MYH15: variants seen among roughly 807,000 people sequenced by gnomAD.
MYH15 encodes myosin-15.
Under a neutral mutation model 240.5 loss-of-function variants are expected in MYH15, and 227 were observed. That is an observed-to-expected ratio of 0.94 (90% CI 0.85 to 1.05). The LOEUF (loss-of-function observed/expected upper bound fraction) is 1.05, where lower values mean the gene tolerates loss of function less well. MYH15 is among the 50% of genes least tolerant of loss of function. MYH15 has a pLI of 0.00. For missense variants in MYH15, 2,217 were observed against 2,247.5 expected (o/e 0.99, Z 0.27); for synonymous variants, 785 against 796.7 (o/e 0.99, Z 0.25).
intron 13 of MYH15, 150 bp downstream of exon 13, chr3:108,470,548 T>A: frequency 1.5e-6 from 1 of 652,618 alleles, no homozygotes; most frequent in South Asian, 2.6e-5. Flanking sequence ...TTATTATTGA[T>A]ATTAATTATA....
chr3:108,504,065 T>C (rs566706751), intron 2 of MYH15, among the ~76,000 whole-genome samples: 2 of 152,224 alleles, frequency 1.3e-5, no homozygotes, highest in Admixed American at 1.3e-4. Flanking sequence ...ACCAATTATA[T>C]GCTCCTATTT....
upstream of MYH15, among the ~76,000 whole-genome samples, chr3:108,532,366 G>A (rs1290150636): frequency 6.6e-6 from 1 of 152,020 alleles, no homozygotes; most frequent in Non-Finnish European, 1.5e-5. Context: ...AGAATAAGAA[G>A]GAACTCCTCC....
At chr3:108,546,361 A>G in the MYH15 span, among the ~76,000 whole-genome samples, 5 of 152,208 alleles carry the variant, frequency 3.3e-5, no homozygotes, top group African/African-American at 1.2e-4. Flanking sequence ...CTTTGAGATA[A>G]GTGAGATGAA....
In MYH15 at chr3:108,428,591, A is replaced by C. The variant is rs2082745878; in HGVS notation, c.3603T>G (p.Asn1201Lys). The C allele has an allele frequency of 1.2e-6, 2 of 1,612,276 alleles. No individual in the cohort carries two copies. The highest frequency in any genetic ancestry group is 2.7e-5 in the African/African-American group (2 of 74,272). ...CCAGTTTCTGCTTGACCTGCTGTAG[A>C]TTTTCTACCTGGCCCTCGAGCTCAG... ...SLAELEGQVE[N>K]LQQVKQKLEK... The change falls in exon 27 of 41, where the codon AAT becomes AAG. Residue 1201 changes from asparagine to lysine, a missense_variant. Physicochemically the swap from Asn to Lys is moderately conservative, Grantham distance 94. Transcript: ENST00000693548.
At chr3:108,409,573 A>G (rs531317635) in intron 31 of MYH15, among the ~76,000 whole-genome samples, 278 of 152,300 alleles carry the variant, frequency 1.8e-3, no homozygotes, top group African/African-American at 6.4e-3. Flanking sequence ...TAGTGCCTTG[A>G]TCATAGACTA....
chr3:108,527,957 C>T (rs1450104843), intron 1 of MYH15, among the ~76,000 whole-genome samples: 1 of 152,152 alleles, frequency 6.6e-6, no homozygotes, highest in Non-Finnish European at 1.5e-5. Flanking sequence ...GAGTCTGTAT[C>T]TGGTGAGGGA....
At position 108,485,086 on chromosome 3, in the gene MYH15, CT is replaced by C. The variant is rs2083294374; in HGVS notation, c.1114+4del. 3.1e-6 allele frequency: 5 copies of C among 1,613,650 alleles called. No individual in the cohort carries two copies. Among genetic ancestry groups the C allele is most frequent in the Non-Finnish European group, 4.2e-6 (5 of 1,179,766 alleles). On this transcript the variant is annotated splice_donor_region_variant and intron_variant, in intron 11 of 40. Transcript: ENST00000693548. ...TATATACCATATCTTCAAAGTAATT[CT>C]TACTTTCTGTGCCATCTGCTTCCAG...
intron 7 of MYH15, 60 bp from the exon 8 acceptor site, chr3:108,493,237 A>G: frequency 7.2e-7 from 1 of 1,390,854 alleles, no homozygotes; most frequent in South Asian, 1.2e-5. Flanking sequence ...ACATTTTCCA[A>G]GCACTTGCAA....
intron 35 of MYH15, among the ~76,000 whole-genome samples, chr3:108,394,927 C>T (rs999704375): frequency 2.0e-5 from 3 of 152,212 alleles, no homozygotes; most frequent in Non-Finnish European, 4.4e-5. Context: ...TCACTTGCCT[C>T]TGGCTAGTGC....
intron 2 of MYH15, among the ~76,000 whole-genome samples, chr3:108,502,952 A>G (rs185820829): frequency 6.6e-6 from 1 of 151,706 alleles, no homozygotes; most frequent in Non-Finnish European, 1.5e-5. Context: ...CCCTAATTCT[A>G]TTTTTCTATT....
intron 1 of MYH15, among the ~76,000 whole-genome samples, chr3:108,519,705 T>G (rs571889424): frequency 6.6e-6 from 1 of 152,340 alleles, no homozygotes; most frequent in East Asian, 1.9e-4. Context: ...TGGAACATTG[T>G]CATGATAATA....
At chr3:108,433,922 G>T (rs2082803092) in intron 25 of MYH15, among the ~76,000 whole-genome samples, 1 of 152,096 alleles carries the variant, frequency 6.6e-6, no homozygotes, top group Non-Finnish European at 1.5e-5. Context: ...TCCATTTAGT[G>T]TAAATCCTTC....
intron 1 of MYH15, among the ~76,000 whole-genome samples, chr3:108,528,093 T>C (rs1426091583): frequency 6.6e-6 from 1 of 152,168 alleles, no homozygotes; most frequent in Non-Finnish European, 1.5e-5. Context: ...CCTCATGACC[T>C]AATCGCCTCT....
At chr3:108,399,305 C>T (rs936929631) in intron 33 of MYH15, 38 bp from the exon 34 acceptor site, 2 of 1,505,412 alleles carry the variant, frequency 1.3e-6, no homozygotes, top group African/African-American at 1.4e-5. Flanking sequence ...GGAAATGACA[C>T]ATCCAAATTA....
chr3:108,522,368 C>T (rs1480604469), intron 1 of MYH15, among the ~76,000 whole-genome samples: 2 of 151,892 alleles, frequency 1.3e-5, no homozygotes, highest in African/African-American at 4.8e-5. Context: ...TTATTATAAC[C>T]CCAGAAATGT....
At chr3:108,453,395 G>A (rs915247812) in intron 21 of MYH15, among the ~76,000 whole-genome samples, 1 of 152,166 alleles carries the variant, frequency 6.6e-6, no homozygotes, top group Middle Eastern at 3.2e-3. Context: ...ATATGCTAAC[G>A]AAAAAGTAAA....
intron 28 of MYH15, among the ~76,000 whole-genome samples, chr3:108,420,481 T>C (rs939896790): frequency 6.6e-6 from 1 of 152,168 alleles, no homozygotes; most frequent in Admixed American, 6.5e-5. Flanking sequence ...CCCCAAGTCT[T>C]TCCAGAATTA....
At chr3:108,455,926 GA>G in intron 19 of MYH15, 67 bp from the exon 20 acceptor site, 1 of 1,463,968 alleles carries the variant, frequency 6.8e-7, no homozygotes, top group Non-Finnish European at 9.5e-7. Context: ...GACTAATCTA[GA>G]CAAATGAGGT....
At chr3:108,424,774 T>C (rs1396578150) in intron 27 of MYH15, among the ~76,000 whole-genome samples, 1 of 152,228 alleles carries the variant, frequency 6.6e-6, no homozygotes, top group Non-Finnish European at 1.5e-5. Flanking sequence ...GCCTAATGTA[T>C]ATGCCTATGA....
Sources: allele counts gnomAD v4.1 joint callset (sites outside exome capture counted in the v4.1 genomes callset), GRCh38; gene constraint gnomAD v4.1.1; transcripts MANE v1.5; gene names NCBI Gene and HGNC (gene_info 2026-07-23, HGNC 2026-07-21).